Variants in SDK1 observed in about 807,000 individuals in gnomAD.
The protein encoded by SDK1 is protein sidekick-1.
SDK1 carries 157 observed loss-of-function variants against 245.5 expected under a neutral mutation model. The observed-to-expected ratio is 0.64, with a 90% CI of 0.56 to 0.73. SDK1 has a LOEUF of 0.73. SDK1 is among the 30% of genes least tolerant of loss of function. The pLI is 0.00. For missense variants in SDK1, 3,583 were observed against 3,002.3 expected (o/e 1.19, Z -4.52); for synonymous variants, 1,647 against 1,278.5 (o/e 1.29, Z -6.15).
chr7:3,417,396 CT>C (rs1403694243), intron 1 of SDK1, among the ~76,000 whole-genome samples: 49 of 152,280 alleles, frequency 3.2e-4, no homozygotes, highest in Non-Finnish European at 5.9e-5. Context: ...GTTTGCCAAA[CT>C]TTTTTTCAGC....
chr7:3,379,492 G>A (rs1393512204), intron 1 of SDK1, among the ~76,000 whole-genome samples: 1 of 152,120 alleles, frequency 6.6e-6, no homozygotes, highest in Non-Finnish European at 1.5e-5. Flanking sequence ...TTTGGAAACA[G>A]GATGGGGAAA....
intron 39 of SDK1, 51 bp downstream of exon 39, chr7:4,220,321 G>A (rs13224192): frequency 3.2e-5 from 50 of 1,569,674 alleles, no homozygotes; most frequent in Non-Finnish European, 4.0e-5. Flanking sequence ...TTAGCCTCCC[G>A]CCTCCTGCTT....
At chr7:3,800,433 G>C (rs1180423943) in intron 4 of SDK1, among the ~76,000 whole-genome samples, 1 of 151,780 alleles carries the variant, frequency 6.6e-6, no homozygotes, top group African/African-American at 2.4e-5. Context: ...CCAGGCTGGA[G>C]TGCAATGGCA....
chr7:4,261,185 A>G (rs1787979163), intron 44 of SDK1, among the ~76,000 whole-genome samples: 1 of 152,122 alleles, frequency 6.6e-6, no homozygotes, highest in South Asian at 2.1e-4. Context: ...TCCGGGACAG[A>G]TCCAAGTCCC....
At chr7:3,356,762 A>T (rs1325219950) in intron 1 of SDK1, among the ~76,000 whole-genome samples, 1 of 152,138 alleles carries the variant, frequency 6.6e-6, no homozygotes, top group Non-Finnish European at 1.5e-5. Context: ...TGTACAAAAA[A>T]TACATCTTTC....
intron 1 of SDK1, among the ~76,000 whole-genome samples, chr7:3,437,638 G>A (rs778577972): frequency 1.3e-5 from 2 of 152,024 alleles, no homozygotes; most frequent in Non-Finnish European, 2.9e-5. Flanking sequence ...GTGATGGTGC[G>A]CGCCTGTAGT....
intron 1 of SDK1, among the ~76,000 whole-genome samples, chr7:3,443,609 T>C (rs1318303393): frequency 2.0e-5 from 3 of 152,220 alleles, no homozygotes; most frequent in Non-Finnish European, 2.9e-5. Context: ...ATGTTTCTCA[T>C]ACAGCCGGCA....
chr7:4,014,890 C>A (rs1280508978), intron 16 of SDK1, among the ~76,000 whole-genome samples: 9 of 152,106 alleles, frequency 5.9e-5, no homozygotes, highest in African/African-American at 2.2e-4. Flanking sequence ...TCAGAATGGG[C>A]CAACGTGACT....
chr7:4,229,620 T>C (rs1030298034), intron 40 of SDK1, among the ~76,000 whole-genome samples: 3 of 152,054 alleles, frequency 2.0e-5, no homozygotes, highest in Non-Finnish European at 4.4e-5. Context: ...TACAGAAACA[T>C]TAATGCAAAA....
chr7:3,302,849 G>A (rs1318902560), intron 1 of SDK1, among the ~76,000 whole-genome samples: 2 of 152,116 alleles, frequency 1.3e-5, no homozygotes. Flanking sequence ...TCATGGTAAG[G>A]AACTCGATAT....
chr7:4,257,269 G>T (rs573852558), intron 44 of SDK1, among the ~76,000 whole-genome samples: 4 of 152,100 alleles, frequency 2.6e-5, no homozygotes, highest in East Asian at 1.9e-4. Context: ...CTTTCCAGGC[G>T]TCTGTGCACC....
intron 1 of SDK1, among the ~76,000 whole-genome samples, chr7:3,523,572 C>T (rs960558255): frequency 2.6e-5 from 4 of 151,932 alleles, no homozygotes; most frequent in Non-Finnish European, 5.9e-5. Context: ...CTTTTTCGAC[C>T]CCATACAGCC....
At chr7:4,158,186 G>T (rs531624713) in intron 30 of SDK1, among the ~76,000 whole-genome samples, 8 of 152,294 alleles carry the variant, frequency 5.3e-5, no homozygotes, top group Non-Finnish European at 8.8e-5. Context: ...TCTCCCTGAG[G>T]ATTTCAACCG....
In SDK1 at chr7:4,011,100, G is replaced by A. The variant is rs752686414; in HGVS notation, c.2266G>A (p.Ala756Thr). 1.2e-5 allele frequency: 19 copies of A among 1,613,696 alleles called. No individual in the cohort carries two copies. The highest frequency in any genetic ancestry group is 8.0e-5 in the African/African-American group (6 of 74,918). ...TGAAGTGGGCAGGGGCCAGTACAGC[G>A]CCGAGACAAGCAGGTGCGTGAATCC... The part of the protein sequence containing the change: ...VNEVGRGQYS[A>T]ETSRLMLPEE... Residue 756 changes from alanine (A) to threonine (T), a missense_variant, in exon 15 of 45, where the codon GCC (alanine) becomes ACC (threonine). Coordinates refer to ENST00000404826, the MANE Select transcript of SDK1 (RefSeq NM_152744.4).
intron 1 of SDK1, among the ~76,000 whole-genome samples, chr7:3,345,205 C>T (rs12673946): frequency 0.78 from 118,363 of 152,178 alleles, 46,975 homozygotes; most frequent in East Asian, 0.94. Context: ...AGATAACTTA[C>T]GGATTTTATA....
chr7:4,166,222 C>T (rs1262993489), intron 32 of SDK1, among the ~76,000 whole-genome samples: 1 of 152,248 alleles, frequency 6.6e-6, no homozygotes, highest in Non-Finnish European at 1.5e-5. Context: ...GGCAGGGAGG[C>T]ATCCCGCCGC....
intron 22 of SDK1, among the ~76,000 whole-genome samples, chr7:4,099,964 C>G (rs1474532770): frequency 6.6e-6 from 1 of 152,068 alleles, no homozygotes; most frequent in Non-Finnish European, 1.5e-5. Context: ...CCACTGTGGT[C>G]CTCGCTATGT....
chr7:4,009,693 C>T (rs1261426593), intron 14 of SDK1, among the ~76,000 whole-genome samples: 1 of 152,226 alleles, frequency 6.6e-6, no homozygotes, highest in African/African-American at 2.4e-5. Context: ...TCTTCATCGC[C>T]AACTGGCTTC....
rs373511630 is a variant in SDK1 at position 3,521,757 on chromosome 7, TAGC to T, written c.299-97320_299-97318del. ...ATTGGGCCTGATGTGTTTAATGTGA[TAGC>T]AGAGAGGCGATATTAATTAGGAGGA... On this transcript the variant is annotated intron_variant, in intron 1 of 44. Coordinates refer to ENST00000404826, the MANE Select transcript of SDK1 (RefSeq NM_152744.4). 1.2e-4 allele frequency among the ~76,000 whole-genome samples: 19 copies of T among 152,234 alleles called. No individual in the cohort carries two copies. In the East Asian group the frequency reaches 3.1e-3, roughly 25 times the overall value.
Sources: gnomAD v4.1 joint callset for allele counts (sites outside exome capture counted in the v4.1 genomes callset) on GRCh38, gnomAD v4.1.1 for gene constraint, MANE v1.5 for transcripts, NCBI Gene and HGNC (gene_info 2026-07-23, HGNC 2026-07-21) for gene names.